The following PTPRM variants were observed in gnomAD, a reference collection of about 807,000 sequenced individuals.
PTPRM encodes the protein receptor-type tyrosine-protein phosphatase mu.
A neutral mutation model predicts 186.7 loss-of-function variants in PTPRM; 47 were observed. The observed-to-expected ratio is 0.25, with a 90% CI of 0.20 to 0.32. PTPRM has a LOEUF of 0.32. PTPRM is among the 10% of genes least tolerant of loss of function. The pLI is 1.00. For synonymous variants in PTPRM, 668 were observed against 674.9 expected, an observed-to-expected ratio of 0.99 and a Z score of 0.16; for missense variants, 1,494 against 1,865.0, an observed-to-expected ratio of 0.80 and a Z score of 3.66.
At position 7,800,712 on chromosome 18, in the gene PTPRM, C is replaced by G. The variant is rs187162694; in HGVS notation, c.196+26441C>G. On this transcript the variant is annotated intron_variant, in intron 2 of 32. Coordinates refer to ENST00000580170, the MANE Select transcript of PTPRM (RefSeq NM_001105244.2). ...GATACATTCTGAGAAATGCATTGTTCAGGCAGTTCTATCCTTGTGCAAAGA... is the reference window on the plus strand; with the variant it reads ...GATACATTCTGAGAAATGCATTGTTGAGGCAGTTCTATCCTTGTGCAAAGA... Among the ~76,000 whole-genome samples, 207 of 152,272 alleles carry G rather than the reference C, an allele frequency of 1.4e-3. 2 individuals carry two copies. The highest frequency in any genetic ancestry group is 8.9e-3 in the South Asian group (43 of 4,826).
At chr18:8,299,730 C>G (rs991564083) in intron 20 of PTPRM, among the ~76,000 whole-genome samples, 1 of 152,178 alleles carries the variant, frequency 6.6e-6, no homozygotes, top group East Asian at 1.9e-4. Flanking sequence ...CAATCTCAGT[C>G]TCAGTTCAGC....
At chr18:7,810,508 G>A (rs2044456018) in intron 2 of PTPRM, among the ~76,000 whole-genome samples, 1 of 152,140 alleles carries the variant, frequency 6.6e-6, no homozygotes, top group African/African-American at 2.4e-5. Flanking sequence ...AGCAGTGGAT[G>A]TATGCATTTG....
intron 20 of PTPRM, among the ~76,000 whole-genome samples, chr18:8,302,432 C>T (rs80146944): frequency 8.9e-4 from 135 of 152,156 alleles, no homozygotes; most frequent in African/African-American, 3.1e-3. Flanking sequence ...ACAGAGCCTT[C>T]TGGGGCAGGT....
chr18:8,024,444 A>G (rs2085434664), intron 7 of PTPRM, among the ~76,000 whole-genome samples: 1 of 152,116 alleles, frequency 6.6e-6, no homozygotes, highest in Non-Finnish European at 1.5e-5. Flanking sequence ...TGGCAGTTTC[A>G]TGGCTTGTTG....
At chr18:7,831,746 A>G (rs555638803) in intron 2 of PTPRM, among the ~76,000 whole-genome samples, 1 of 152,062 alleles carries the variant, frequency 6.6e-6, no homozygotes, top group African/African-American at 2.4e-5. Flanking sequence ...AACCATCTCC[A>G]CCTTCATCTC....
chr18:8,272,891 A>G (rs567464216), intron 19 of PTPRM, among the ~76,000 whole-genome samples: 1 of 152,264 alleles, frequency 6.6e-6, no homozygotes, highest in African/African-American at 2.4e-5. Flanking sequence ...GCTAAGTTAT[A>G]AGGAAAATAC....
At chr18:8,261,742 A>G (rs1002069717) in intron 19 of PTPRM, among the ~76,000 whole-genome samples, 1 of 152,168 alleles carries the variant, frequency 6.6e-6, no homozygotes, top group Non-Finnish European at 1.5e-5. Flanking sequence ...GTTATTTCCT[A>G]CAACTCTCCA....
intron 17 of PTPRM, among the ~76,000 whole-genome samples, chr18:8,248,895 T>C (rs1279903081): frequency 6.6e-6 from 1 of 152,204 alleles, no homozygotes; most frequent in Non-Finnish European, 1.5e-5. Flanking sequence ...GTATGAAATA[T>C]TCCCAGCAGG....
intron 7 of PTPRM, among the ~76,000 whole-genome samples, chr18:8,065,236 A>G (rs2088967628): frequency 6.6e-6 from 1 of 152,210 alleles, no homozygotes; most frequent in Admixed American, 6.5e-5. Flanking sequence ...AATTGATCCT[A>G]TCAGTCAGTT....
At chr18:8,366,752 C>G (rs926871736) in intron 23 of PTPRM, 2 of 152,212 alleles carry the variant, frequency 1.3e-5, no homozygotes, top group Non-Finnish European at 2.9e-5. Context: ...GGGCTCGGGA[C>G]TGTTAGCCTG....
chr18:8,113,418 C>G (rs1600643167), intron 11 of PTPRM, 68 bp from the exon 12 acceptor site: 1 of 1,417,518 alleles, frequency 7.1e-7, no homozygotes. Context: ...TGGGTCCATG[C>G]AGTTGAAGGC....
intron 21 of PTPRM, among the ~76,000 whole-genome samples, chr18:8,316,997 G>A (rs685691): frequency 0.2 from 30,872 of 152,090 alleles, 3,700 homozygotes; most frequent in Non-Finnish European, 0.27. Flanking sequence ...GGGGGCCTGC[G>A]GAGTTCCATG....
intron 7 of PTPRM, among the ~76,000 whole-genome samples, chr18:7,998,364 C>T (rs956558321): frequency 6.6e-6 from 1 of 151,950 alleles, no homozygotes; most frequent in African/African-American, 2.4e-5. Flanking sequence ...ATGGTGGTTA[C>T]CAGAGACTGA....
chr18:8,106,797 G>T (rs555124617), intron 11 of PTPRM, among the ~76,000 whole-genome samples: 7 of 152,302 alleles, frequency 4.6e-5, no homozygotes, highest in Admixed American at 3.9e-4. Flanking sequence ...GGCTTTAGTG[G>T]TCAGTTGGTG....
intron 1 of PTPRM, among the ~76,000 whole-genome samples, chr18:7,763,937 T>C (rs997826606): frequency 6.6e-6 from 1 of 151,952 alleles, no homozygotes; most frequent in Non-Finnish European, 1.5e-5. Flanking sequence ...CTACTGGGCA[T>C]AAAATGCAAT....
intron 1 of PTPRM, among the ~76,000 whole-genome samples, chr18:7,734,539 G>A (rs1184372853): frequency 6.6e-6 from 1 of 152,160 alleles, no homozygotes; most frequent in Non-Finnish European, 1.5e-5. Flanking sequence ...ACATTTTTGG[G>A]AGAGGGAAGG....
At chr18:8,347,978 T>C (rs1198458594) in intron 23 of PTPRM, among the ~76,000 whole-genome samples, 3 of 152,242 alleles carry the variant, frequency 2.0e-5, no homozygotes, top group Non-Finnish European at 4.4e-5. Flanking sequence ...CAAGAGGTCA[T>C]GTTCCCTCAT....
rs148895717 is a variant in PTPRM, at chr18:7,893,733, A to G, written c.468+5356A>G. On this transcript the variant is annotated intron_variant, in intron 3 of 32. Transcript: ENST00000580170. ...CCCTTTATCTGCTGGGCAGTAAACA[A>G]ATTGAAATCATTGCCCTAATAGCAA... is the stretch of plus-strand genomic sequence containing the variant. Among the ~76,000 whole-genome samples the G allele has an allele frequency of 3.7e-3, 566 of 152,310 alleles. 1 individual carries two copies. The highest frequency in any genetic ancestry group is 0.013 in the African/African-American group (524 of 41,558).
chr18:8,276,087 T>G (rs2094831099), intron 19 of PTPRM, among the ~76,000 whole-genome samples: 1 of 149,386 alleles, frequency 6.7e-6, no homozygotes, highest in Middle Eastern at 3.4e-3. Context: ...TTCTCTACCT[T>G]TCCAAGTCCT....
Sources: allele counts gnomAD v4.1 joint callset (sites outside exome capture counted in the v4.1 genomes callset), GRCh38; gene constraint gnomAD v4.1.1; transcripts MANE v1.5; gene names NCBI Gene and HGNC (gene_info 2026-07-23, HGNC 2026-07-21).